Variants in CADM1 observed in about 807,000 individuals in gnomAD.
The protein encoded by CADM1 is cell adhesion molecule 1, also known as TSLC-1.
CADM1 carries 15 observed loss-of-function variants against 53.1 expected under a neutral mutation model. That is an observed-to-expected ratio of 0.28 (90% CI 0.19 to 0.44). The LOEUF (loss-of-function observed/expected upper bound fraction) is 0.44. Among genes scored for constraint, CADM1 ranks in the 20% least tolerant of loss-of-function variants. The probability of loss-of-function intolerance (pLI) is 1.00; values close to 1 mark genes in which losing one functional copy is unlikely to be tolerated. For missense variants in CADM1, 434 were observed against 611.3 expected (o/e 0.71, Z 3.06); for synonymous variants, 281 against 243.0 (o/e 1.16, Z -1.45).
intron 5 of CADM1, among the ~76,000 whole-genome samples, chr11:115,219,942 C>CT (rs1565305978): frequency 6.6e-6 from 1 of 152,134 alleles, no homozygotes; most frequent in Non-Finnish European, 1.5e-5. Context: ...AACAGCAGCA[C>CT]TTACTAGAGT....
intron 1 of CADM1, among the ~76,000 whole-genome samples, chr11:115,458,853 T>C (rs946447119): frequency 1.7e-4 from 26 of 152,146 alleles, no homozygotes; most frequent in Non-Finnish European, 3.2e-4. Flanking sequence ...AGTTAAGGCA[T>C]ACATCCTCAC....
At chr11:115,311,278 A>G (rs960696263) in intron 1 of CADM1, among the ~76,000 whole-genome samples, 2 of 152,170 alleles carry the variant, frequency 1.3e-5, no homozygotes, top group African/African-American at 4.8e-5. Flanking sequence ...AGGAAATGAA[A>G]AAATCTACAA....
chr11:115,396,540 C>G (rs185481674), intron 1 of CADM1, among the ~76,000 whole-genome samples: 61 of 152,256 alleles, frequency 4.0e-4, no homozygotes, highest in African/African-American at 1.3e-3. Flanking sequence ...TTTTTAGGAG[C>G]ACATAAAGGT....
At chr11:115,466,210 A>G (rs1354493000) in intron 1 of CADM1, among the ~76,000 whole-genome samples, 1 of 152,224 alleles carries the variant, frequency 6.6e-6, no homozygotes, top group Admixed American at 6.5e-5. Flanking sequence ...CCTGTCCACC[A>G]GAGTGAATGA....
intron 1 of CADM1, among the ~76,000 whole-genome samples, chr11:115,352,094 C>CT (rs1945752047): frequency 6.6e-6 from 1 of 152,152 alleles, no homozygotes; most frequent in Non-Finnish European, 1.5e-5. Context: ...ACACCACTGC[C>CT]TTAAGAGTCT....
chr11:115,231,334 G>A lies in CADM1; in HGVS notation c.562+19C>T. The A allele has an allele frequency of 6.2e-7, 1 of 1,613,716 alleles. No homozygotes were observed. The highest frequency in any genetic ancestry group is 2.2e-5 in the East Asian group (1 of 44,870). ...TAGAATCAGCTAACTACTTCAGTGT[G>A]TGGCAATCTGCAGCTTACCTTTTAG... On this transcript the variant is annotated intron_variant, in intron 4 of 11. Transcript: ENST00000331581.
chr11:115,169,778 C>A lies in CADM1; in HGVS notation c.*6696G>T. 3.1e-6 allele frequency: 1 copy of A among 327,288 alleles called. No individual in the cohort carries two copies. The highest frequency in any genetic ancestry group is 6.1e-6 in the Non-Finnish European group (1 of 162,884). The allele number at this position is 327,288 out of a possible 1,614,324, so 20.3% of individuals were successfully genotyped here. On this transcript the variant is annotated 3_prime_UTR_variant, in exon 12 of 12. Transcript: ENST00000331581. ...TGGGCAAACAGCTTTTGTGGATTAG[C>A]TAGACTTGCACTTGCCAGCATCCAT...
chr11:115,274,541 T>C (rs1943391207), intron 1 of CADM1, among the ~76,000 whole-genome samples: 1 of 152,234 alleles, frequency 6.6e-6, no homozygotes, highest in African/African-American at 2.4e-5. Context: ...CCATTGGCAA[T>C]GTTTCTGTCA....
chr11:115,345,897 A>C (rs147459135), intron 1 of CADM1, among the ~76,000 whole-genome samples: 62 of 151,832 alleles, frequency 4.1e-4, no homozygotes, highest in Non-Finnish European at 8.7e-4. Flanking sequence ...TAAATTTAAA[A>C]GGAAAATGTA....
chr11:115,321,857 C>A (rs1010652181), intron 1 of CADM1, among the ~76,000 whole-genome samples: 2 of 152,184 alleles, frequency 1.3e-5, no homozygotes, highest in Non-Finnish European at 2.9e-5. Flanking sequence ...CCCACAAATG[C>A]ACCATCTGCT....
intron 2 of CADM1, among the ~76,000 whole-genome samples, chr11:115,239,288 G>T (rs576330519): frequency 6.6e-6 from 1 of 152,102 alleles, no homozygotes; most frequent in Non-Finnish European, 1.5e-5. Flanking sequence ...CATATTTGAC[G>T]TGATTTGAGG....
chr11:115,378,768 T>C (rs1029827180), intron 1 of CADM1, among the ~76,000 whole-genome samples: 1 of 152,246 alleles, frequency 6.6e-6, no homozygotes, highest in Non-Finnish European at 1.5e-5. Flanking sequence ...TTCGTTTACA[T>C]ATTGTCTACA....
intron 9 of CADM1, among the ~76,000 whole-genome samples, chr11:115,198,161 T>G (rs925316411): frequency 5.3e-5 from 8 of 152,174 alleles, no homozygotes; most frequent in African/African-American, 1.9e-4. Flanking sequence ...CCACTGAAAC[T>G]CCTACAATTC....
chr11:115,224,760 A>G (rs1941540286), intron 5 of CADM1, among the ~76,000 whole-genome samples: 1 of 152,154 alleles, frequency 6.6e-6, no homozygotes, highest in African/African-American at 2.4e-5. Context: ...GATGCTATTT[A>G]GACAGTTTTC....
intron 1 of CADM1, among the ~76,000 whole-genome samples, chr11:115,409,387 T>C (rs1947398806): frequency 6.6e-6 from 1 of 152,228 alleles, no homozygotes; most frequent in Non-Finnish European, 1.5e-5. Context: ...TTCTTCACTT[T>C]ATCCCTTATT....
At chr11:115,211,051 C>A (rs1940933578) in intron 7 of CADM1, among the ~76,000 whole-genome samples, 1 of 151,094 alleles carries the variant, frequency 6.6e-6, no homozygotes, top group Non-Finnish European at 1.5e-5. Context: ...TAAAAAAAAT[C>A]TCATTCTCCT....
intron 1 of CADM1, among the ~76,000 whole-genome samples, chr11:115,351,018 T>C (rs1196983293): frequency 6.6e-6 from 1 of 152,088 alleles, no homozygotes; most frequent in Non-Finnish European, 1.5e-5. Flanking sequence ...TTCCTTTTGT[T>C]TAGAAAGGTT....
intron 9 of CADM1, among the ~76,000 whole-genome samples, chr11:115,194,429 C>A (rs754774058): frequency 2.6e-5 from 4 of 152,142 alleles, no homozygotes. Flanking sequence ...TCGTAGGGTA[C>A]GAGCATGTAG....
intron 1 of CADM1, among the ~76,000 whole-genome samples, chr11:115,375,382 C>A (rs374808567): frequency 2.0e-5 from 3 of 152,074 alleles, no homozygotes; most frequent in East Asian, 1.9e-4. Flanking sequence ...CATGAGGAAG[C>A]CTTCTGGGGT....
Sources: allele counts gnomAD v4.1 joint callset (sites outside exome capture counted in the v4.1 genomes callset), GRCh38; gene constraint gnomAD v4.1.1; transcripts MANE v1.5; gene names NCBI Gene and HGNC (gene_info 2026-07-23, HGNC 2026-07-21).